The following TRPC3 variants were observed in gnomAD, a reference collection of about 807,000 sequenced individuals.
The protein encoded by TRPC3 is transient receptor potential cation channel subfamily C member 3.
In TRPC3, 54 loss-of-function variants were observed where a neutral mutation model predicts 90.9. The observed-to-expected ratio is 0.59, with a 90% CI of 0.48 to 0.75. The LOEUF (loss-of-function observed/expected upper bound fraction) is 0.75. Among genes scored for constraint, TRPC3 ranks in the 30% least tolerant of loss-of-function variants. TRPC3 has a pLI of 0.00. For synonymous variants in TRPC3, 424 were observed against 450.9 expected (o/e 0.94, Z 0.75); for missense variants, 918 against 1,194.5 (o/e 0.77, Z 3.41).
rs1354165197 is a variant in TRPC3, at chr4:121,910,322, A to G, written c.1624T>C (p.Trp542Arg). The part of the protein sequence containing the change: ...EGPREYILQL[W>R]NVLDFGMLSI... ...AGCATCCCAAAGTCAAGCACATTCC[A>G]CAACTGCAAAATGTATTCCCTAGGT... Residue 542 changes from tryptophan to arginine, a missense_variant, in exon 6 of 12, where the codon TGG (tryptophan) becomes CGG (arginine). Trp to Arg is a moderately radical substitution (Grantham distance 101). Transcript: ENST00000379645. The G allele has an allele frequency of 6.2e-7, 1 of 1,613,848 alleles. No individual in the cohort carries two copies. The highest frequency in any genetic ancestry group is 8.5e-7 in the Non-Finnish European group (1 of 1,179,792).
Position 121,882,416 on chromosome 4 carries a change from C to G in TRPC3, c.2561G>C (p.Arg854Thr). The G allele has an allele frequency of 1.2e-6, 2 of 1,609,998 alleles. No individual in the cohort carries two copies. The highest frequency in any genetic ancestry group is 1.7e-6 in the Non-Finnish European group (2 of 1,178,430). ...QPTRYQQIMK[R>T]LIKRYVLKAQ... ...TTTCAAAACATACCGCTTTATAAGT[C>G]TTTTCATTATCTGCTGTTGGGCAAA... is the stretch of plus-strand genomic sequence containing the variant. The change falls in exon 11 of 12, where the codon AGA (arginine) becomes ACA (threonine). Residue 854 changes from arginine (R) to threonine (T), a missense_variant. Physicochemically the swap from Arg to Thr is moderately conservative, Grantham distance 71. Around this residue, in one of 4 missense-constraint regions of TRPC3, gnomAD observed 121 missense variants for 135.7 expected, o/e 0.89. Coordinates refer to ENST00000379645, the MANE Select transcript of TRPC3 (RefSeq NM_001130698.2).
intron 2 of TRPC3, among the ~76,000 whole-genome samples, chr4:121,927,317 G>A (rs1232939126): frequency 4.6e-5 from 7 of 152,158 alleles, no homozygotes; most frequent in African/African-American, 1.7e-4. Flanking sequence ...TAGTCCATTT[G>A]TTCTAATGAA....
chr4:121,929,705 A>C (rs1729832004), intron 2 of TRPC3, among the ~76,000 whole-genome samples: 1 of 152,148 alleles, frequency 6.6e-6, no homozygotes, highest in South Asian at 2.1e-4. Context: ...GTATTCCTCA[A>C]AGAAATGTGA....
chr4:121,903,231 T>G (rs754335995), intron 8 of TRPC3, among the ~76,000 whole-genome samples, 170 bp from the exon 9 acceptor site: 1 of 152,204 alleles, frequency 6.6e-6, no homozygotes, highest in Non-Finnish European at 1.5e-5. Context: ...ATTTTTCAAA[T>G]ATAAGATACT....
At position 121,951,449 on chromosome 4, in the gene TRPC3, C is replaced by CCGGGCCCGGTACTCACAGGT. The variant is rs1392961281; in HGVS notation, c.212_215+16dup. 1 of 1,200,840 alleles carries CCGGGCCCGGTACTCACAGGT rather than the reference C, an allele frequency of 8.3e-7. No homozygotes were observed. The allele number at this position is 1,200,840 out of a possible 1,614,324, so 74.4% of individuals were successfully genotyped here. On this transcript the variant is annotated intron_variant, in intron 1 of 11. Coordinates refer to ENST00000379645, the MANE Select transcript of TRPC3 (RefSeq NM_001130698.2). This position sits in a 1 kb window ranked among gnomAD's most constrained non-coding sequence, Gnocchi z 4.4. ...CCGCCCTCCGAGGCGCGGGCCGCGGCCGGGCCCGGTACTCACAGGTCCGGC... is the reference window on the plus strand; with the variant it reads ...CCGCCCTCCGAGGCGCGGGCCGCGGCCGGGCCCGGTACTCACAGGTCGGGCCCGGTACTCACAGGTCCGGC...
intron 1 of TRPC3, among the ~76,000 whole-genome samples, chr4:121,944,228 C>T (rs1388725415): frequency 6.6e-6 from 1 of 152,078 alleles, no homozygotes; most frequent in African/African-American, 2.4e-5. Context: ...AAAGAGCCTC[C>T]CCTCCTTAGA....
At chr4:121,913,891 C>T (rs1464803174) in intron 4 of TRPC3, among the ~76,000 whole-genome samples, 1 of 152,188 alleles carries the variant, frequency 6.6e-6, no homozygotes, top group Admixed American at 6.5e-5. Flanking sequence ...CCGGTGGAGA[C>T]TGCTGAGCCA....
chr4:121,894,004 GTACAAGCTCCATCAGT>G (rs1728422877), intron 10 of TRPC3, among the ~76,000 whole-genome samples: 1 of 152,088 alleles, frequency 6.6e-6, no homozygotes, highest in Non-Finnish European at 1.5e-5. Flanking sequence ...ATGTAAGTTA[GTACAAGCTCCATCAGT>G]TTGATAATAG....
chr4:121,943,933 T>TTA (rs1730405175), intron 1 of TRPC3, among the ~76,000 whole-genome samples: 1 of 152,062 alleles, frequency 6.6e-6, no homozygotes, highest in African/African-American at 2.4e-5. Context: ...GGTTTTTTTT[T>TTA]AACTAGATAA....
chr4:121,901,880 G>A (rs533289944), intron 9 of TRPC3, among the ~76,000 whole-genome samples: 6 of 152,108 alleles, frequency 3.9e-5, no homozygotes, highest in South Asian at 2.1e-4. Context: ...ACAACCAATC[G>A]CTGACTTGTA....
intron 1 of TRPC3, among the ~76,000 whole-genome samples, chr4:121,939,329 A>T (rs1730229617): frequency 6.6e-6 from 1 of 152,206 alleles, no homozygotes; most frequent in South Asian, 2.1e-4. Context: ...TGCAAGCAGA[A>T]TTTGAGAAAA....
At chr4:121,888,343 T>G (rs1278253461) in intron 10 of TRPC3, among the ~76,000 whole-genome samples, 1 of 152,162 alleles carries the variant, frequency 6.6e-6, no homozygotes. Context: ...TTTAAAAAAA[T>G]GCAAAGTCAT....
At chr4:121,902,088 G>A (rs1356243623) in intron 9 of TRPC3, among the ~76,000 whole-genome samples, 1 of 151,890 alleles carries the variant, frequency 6.6e-6, no homozygotes, top group Non-Finnish European at 1.5e-5. Context: ...TGCTTTATGG[G>A]GATAACATTG....
chr4:121,896,435 T>C (rs1354188139), intron 10 of TRPC3, among the ~76,000 whole-genome samples: 1 of 152,114 alleles, frequency 6.6e-6, no homozygotes, highest in Non-Finnish European at 1.5e-5. Flanking sequence ...ACCAAAAAAC[T>C]TTTAGAACTG....
chr4:121,929,484 T>G (rs977220240), intron 2 of TRPC3, among the ~76,000 whole-genome samples: 50 of 152,200 alleles, frequency 3.3e-4, no homozygotes, highest in African/African-American at 1.2e-3. Flanking sequence ...ACTGGCTTCC[T>G]TGCCACTGAC....
At chr4:121,900,432 A>T (rs1728662772) in intron 9 of TRPC3, among the ~76,000 whole-genome samples, 1 of 152,168 alleles carries the variant, frequency 6.6e-6, no homozygotes, top group South Asian at 2.1e-4. Context: ...TCACCACCTA[A>T]CTTCCCACCA....
rs1043755033 is a variant in TRPC3, at chr4:121,932,942, C to T, written c.316G>A (p.Gly106Ser). Residue 106 changes from glycine to serine, a missense_variant, in exon 2 of 12, where the codon GGC (glycine) becomes AGC (serine). Gly to Ser is a moderately conservative substitution (Grantham distance 56, BLOSUM62 0). Around this residue, in one of 4 missense-constraint regions of TRPC3, gnomAD observed 609 missense variants for 725.9 expected, o/e 0.84. Transcript: ENST00000379645. The surrounding 1 kb of genome is among the most constrained non-coding windows in gnomAD (Gnocchi z 7.7). Reference protein sequence around the residue: ...RGPAFMFNDRGTSLTAEEERF... With the variant: ...RGPAFMFNDRSTSLTAEEERF... ...TCCTCCTCGGCGGTGAGGCTGGTGCCGCGGTCATTGAACATGAAGGCCGGG... is the reference window on the plus strand; with the variant it reads ...TCCTCCTCGGCGGTGAGGCTGGTGCTGCGGTCATTGAACATGAAGGCCGGG... The T allele has an allele frequency of 4.3e-6, 7 of 1,613,878 alleles. No individual in the cohort carries two copies. Among genetic ancestry groups the T allele is most frequent in the Non-Finnish European group, 5.9e-6 (7 of 1,179,942 alleles).
chr4:121,924,967 G>A (rs1199499842), intron 3 of TRPC3, 51 bp downstream of exon 3: 1 of 1,539,566 alleles, frequency 6.5e-7, no homozygotes, highest in East Asian at 2.3e-5. Context: ...GGCATAGTTT[G>A]TATCACATGT....
chr4:121,904,892 G>C (rs1728827527), intron 7 of TRPC3, among the ~76,000 whole-genome samples: 1 of 152,092 alleles, frequency 6.6e-6, no homozygotes. Flanking sequence ...AGTAGAACAG[G>C]GTTGGGATTA....
Sources: allele counts gnomAD v4.1 joint callset (sites outside exome capture counted in the v4.1 genomes callset), GRCh38; gene constraint gnomAD v4.1.1; regional missense constraint gnomAD v4.1.1; non-coding constraint Gnocchi (gnomAD v3.1); transcripts MANE v1.5; gene names NCBI Gene and HGNC (gene_info 2026-07-23, HGNC 2026-07-21).